The following SLC1A1 variants were observed in gnomAD, a reference collection of about 807,000 sequenced individuals.
SLC1A1 encodes the protein excitatory amino acid transporter 3.
A neutral mutation model predicts 53.3 loss-of-function variants in SLC1A1; 43 were observed. The ratio of observed to expected loss-of-function variants is 0.81; its 90% CI spans 0.63 to 1.04. The LOEUF (loss-of-function observed/expected upper bound fraction) is 1.04, where lower values mean the gene tolerates loss of function less well. Among genes scored for constraint, SLC1A1 ranks in the 50% least tolerant of loss-of-function variants. SLC1A1 has a pLI of 0.00. For missense variants in SLC1A1, 748 were observed against 664.9 expected, an observed-to-expected ratio of 1.12 and a Z score of -1.37; for synonymous variants, 307 against 243.2, an observed-to-expected ratio of 1.26 and a Z score of -2.44.
At chr9:4,580,188 G>A (rs1586859060) in intron 10 of SLC1A1, among the ~76,000 whole-genome samples, 4 of 151,520 alleles carry the variant, frequency 2.6e-5, no homozygotes, top group South Asian at 4.2e-4. Context: ...CTGAGATGGC[G>A]CCACTGCACT....
intron 2 of SLC1A1, chr9:4,559,747 A>G (rs1340237796): frequency 6.6e-6 from 1 of 152,216 alleles, no homozygotes. Flanking sequence ...ATCATTTTCT[A>G]TAATGCTCCT....
In SLC1A1 at chr9:4,583,673, C is replaced by G. The variant is rs899330778; in HGVS notation, c.1328+501C>G. Among the ~76,000 whole-genome samples, 1 of 152,146 alleles carries G rather than the reference C, an allele frequency of 6.6e-6. No individual in the cohort carries two copies. Among genetic ancestry groups the G allele is most frequent in the African/African-American group, 2.4e-5 (1 of 41,434 alleles). On this transcript the variant is annotated intron_variant, in intron 11 of 11. Transcript: ENST00000262352. The surrounding 1 kb of genome is among the most constrained non-coding windows in gnomAD (Gnocchi z 4.6). ...GTTTCCTTAACCTGAGGCCCAGTTG[C>G]ATAATCTGTGAGATGGGAAAAAATC...
intron 2 of SLC1A1, among the ~76,000 whole-genome samples, chr9:4,548,809 A>C (rs1817692462): frequency 6.6e-6 from 1 of 152,148 alleles, no homozygotes; most frequent in African/African-American, 2.4e-5. Flanking sequence ...AAAATGGCAC[A>C]GTTGATATAA....
intron 1 of SLC1A1, among the ~76,000 whole-genome samples, chr9:4,525,962 G>A (rs997418426): frequency 6.6e-6 from 1 of 151,962 alleles, no homozygotes; most frequent in Admixed American, 6.6e-5. Context: ...TAATTCACAG[G>A]ACATCAACAC....
At chr9:4,492,446 C>A (rs1159677812) in intron 1 of SLC1A1, among the ~76,000 whole-genome samples, 2 of 147,382 alleles carry the variant, frequency 1.4e-5, no homozygotes, top group African/African-American at 2.5e-5. Context: ...TGTGCCACTG[C>A]ACTCCCGCCT....
intron 8 of SLC1A1, 25 bp downstream of exon 8, chr9:4,574,039 C>A: frequency 6.9e-7 from 1 of 1,458,128 alleles, no homozygotes. Flanking sequence ...AGAGAAGAGA[C>A]AGAAACCTCC....
chr9:4,558,602 G>C (rs940251583), intron 2 of SLC1A1, among the ~76,000 whole-genome samples: 2 of 152,202 alleles, frequency 1.3e-5, no homozygotes, highest in African/African-American at 4.8e-5. Flanking sequence ...GAGTCCTGGA[G>C]TACAAGCAGA....
intron 1 of SLC1A1, among the ~76,000 whole-genome samples, chr9:4,524,424 A>G: frequency 6.6e-6 from 1 of 152,256 alleles, no homozygotes; most frequent in East Asian, 1.9e-4. Flanking sequence ...CAAACTCAAA[A>G]GCAATAAAGG....
At chr9:4,497,728 A>G (rs1176255785) in intron 1 of SLC1A1, among the ~76,000 whole-genome samples, 1 of 152,200 alleles carries the variant, frequency 6.6e-6, no homozygotes, top group Non-Finnish European at 1.5e-5. Flanking sequence ...AGACCCCTTG[A>G]GGTCCCTCTT....
rs1816721860 is a variant in SLC1A1 at position 4,537,573 on chromosome 9, T to TAAAAG, written c.92-6990_92-6989insGAAAA. Among the ~76,000 whole-genome samples, 2 of 115,052 alleles carry TAAAAG rather than the reference T, an allele frequency of 1.7e-5. 1 individual carries two copies. Among genetic ancestry groups the TAAAAG allele is most frequent in the Admixed American group, 1.7e-4 (2 of 11,622 alleles). The allele number at this position is 115,052 out of a possible 152,430, so 75.5% of individuals were successfully genotyped here. ...AGAGCGAGACTCCGTCTCAAAAAAA[T>TAAAAG]AAAATAAAATAAAATAAAATAAAAT... On this transcript the variant is annotated intron_variant, in intron 1 of 11. Coordinates refer to ENST00000262352, the MANE Select transcript of SLC1A1 (RefSeq NM_004170.6).
intron 1 of SLC1A1, among the ~76,000 whole-genome samples, chr9:4,527,230 C>T (rs2130843610): frequency 6.6e-6 from 1 of 152,246 alleles, no homozygotes; most frequent in African/African-American, 2.4e-5. Flanking sequence ...ACCCTAAGCT[C>T]CAGGAAGGAA....
At chr9:4,536,045 A>C (rs1445852804) in intron 1 of SLC1A1, among the ~76,000 whole-genome samples, 1 of 152,206 alleles carries the variant, frequency 6.6e-6, no homozygotes, top group Non-Finnish European at 1.5e-5. Flanking sequence ...AAATTAATAC[A>C]AGATGGATGA....
chr9:4,517,499 C>T (rs1056214852), intron 1 of SLC1A1, among the ~76,000 whole-genome samples: 1 of 152,186 alleles, frequency 6.6e-6, no homozygotes, highest in Non-Finnish European at 1.5e-5. Flanking sequence ...CTCAAGACCA[C>T]GGGAGGCTTC....
chr9:4,506,251 C>A (rs561962281), intron 1 of SLC1A1, among the ~76,000 whole-genome samples: 2 of 152,200 alleles, frequency 1.3e-5, no homozygotes, highest in Admixed American at 6.5e-5. Flanking sequence ...GCCATCATGC[C>A]CGGCCAAATT....
chr9:4,580,447 G>C (rs1328659814), intron 10 of SLC1A1, among the ~76,000 whole-genome samples: 1 of 151,960 alleles, frequency 6.6e-6, no homozygotes, highest in Non-Finnish European at 1.5e-5. Context: ...CAGGTGTTAT[G>C]GAGTGCATCT....
intron 1 of SLC1A1, among the ~76,000 whole-genome samples, chr9:4,529,449 A>G (rs1423889372): frequency 6.6e-6 from 1 of 152,092 alleles, no homozygotes; most frequent in Non-Finnish European, 1.5e-5. Flanking sequence ...TTTTGATGAA[A>G]CTGTACTGTC....
At chr9:4,495,174 G>A (rs1299179484) in intron 1 of SLC1A1, among the ~76,000 whole-genome samples, 2 of 152,192 alleles carry the variant, frequency 1.3e-5, no homozygotes, top group African/African-American at 4.8e-5. Flanking sequence ...CGCTTTGTCT[G>A]TGAAGCCCCT....
chr9:4,575,916 A>G (rs1040088725), intron 8 of SLC1A1, 85 bp from the exon 9 acceptor site: 3 of 1,509,914 alleles, frequency 2.0e-6, no homozygotes, highest in Non-Finnish European at 2.8e-6. Flanking sequence ...ACAATTTTAT[A>G]AATTAAAAAG....
At chr9:4,539,910 C>T (rs568465173) in intron 1 of SLC1A1, among the ~76,000 whole-genome samples, 178 of 152,208 alleles carry the variant, frequency 1.2e-3, no homozygotes, top group South Asian at 5.0e-3. Flanking sequence ...CTGGAGAAAG[C>T]GATAGGGACA....
Sources: gnomAD v4.1 joint callset for allele counts (sites outside exome capture counted in the v4.1 genomes callset) on GRCh38, gnomAD v4.1.1 for gene constraint, Gnocchi (gnomAD v3.1) non-coding constraint, MANE v1.5 for transcripts, NCBI Gene and HGNC (gene_info 2026-07-23, HGNC 2026-07-21) for gene names.